Variants in B4GALT5 observed in about 807,000 individuals in gnomAD.
B4GALT5 encodes the protein beta-1,4-galactosyltransferase 5, also known as UDP-Gal:beta-GlcNAc beta-1,4-galactosyltransferase 5.
Under a neutral mutation model 45.0 loss-of-function variants are expected in B4GALT5, and 11 were observed. That is an observed-to-expected ratio of 0.24 (90% CI 0.15 to 0.40). The LOEUF (loss-of-function observed/expected upper bound fraction) is 0.40. B4GALT5 is among the 10% of genes least tolerant of loss of function. The pLI is 1.00. For missense variants in B4GALT5, 337 were observed against 500.2 expected (o/e 0.67, Z 3.11); for synonymous variants, 185 against 182.9 (o/e 1.01, Z -0.09).
chr20:49,711,182 A>G (rs918039497), intron 1 of B4GALT5, among the ~76,000 whole-genome samples: 1 of 152,154 alleles, frequency 6.6e-6, no homozygotes, highest in African/African-American at 2.4e-5. Context: ...TTCCATCCTA[A>G]GTAGAATTCC....
At chr20:49,673,379 C>CA (rs11482342) in intron 1 of B4GALT5, among the ~76,000 whole-genome samples, 69,296 of 147,404 alleles carry the variant, frequency 0.47, 16,894 homozygotes, top group South Asian at 0.65. Context: ...GACTCCAACT[C>CA]AAAAAAAAAA....
At chr20:49,711,670 A>G (rs570575702) in intron 1 of B4GALT5, among the ~76,000 whole-genome samples, 2 of 152,342 alleles carry the variant, frequency 1.3e-5, no homozygotes, top group East Asian at 1.9e-4. Flanking sequence ...CAACCCTTTT[A>G]CAATCTACTC....
intron 5 of B4GALT5, 62 bp from the exon 6 acceptor site, chr20:49,640,727 T>C: frequency 6.7e-7 from 1 of 1,486,276 alleles, no homozygotes; most frequent in Non-Finnish European, 9.0e-7. Flanking sequence ...CTGTCTTTCC[T>C]GTGCCTAAAG....
intron 4 of B4GALT5, among the ~76,000 whole-genome samples, 191 bp from the exon 5 acceptor site, chr20:49,642,775 A>G (rs913365518): frequency 6.6e-6 from 1 of 152,244 alleles, no homozygotes. Context: ...TGATTCTTAC[A>G]TATACCATAT....
chr20:49,710,801 T>C (rs1227349930), intron 1 of B4GALT5, among the ~76,000 whole-genome samples: 1 of 152,114 alleles, frequency 6.6e-6, no homozygotes, highest in Non-Finnish European at 1.5e-5. Flanking sequence ...CAACCTTCTA[T>C]TTCTCCAGAT....
intron 1 of B4GALT5, among the ~76,000 whole-genome samples, chr20:49,672,046 T>G (rs1346288841): frequency 6.6e-6 from 1 of 152,184 alleles, no homozygotes; most frequent in Non-Finnish European, 1.5e-5. Context: ...AAGCTCTTGG[T>G]GCTTCTAGCT....
At position 49,640,523 on chromosome 20, in the gene B4GALT5, T is replaced by G; in HGVS notation, c.749A>C (p.Gln250Pro). The change falls in exon 6 of 9, where the codon CAG (glutamine) becomes CCG (proline). Residue 250 changes from glutamine to proline, a missense_variant. Physicochemically the swap from Gln to Pro is moderately conservative, Grantham distance 76. Around this residue, in one of 2 missense-constraint regions of B4GALT5, gnomAD observed 163 missense variants for 292.8 expected, o/e 0.56. Transcript: ENST00000371711. ...ESDRNYYGCG[Q>P]MPRHFATKLD... ...TTTGGTTGCAAAATGCCTCGGCATC[T>G]GTCCACATCCATAATAGTTGCGATC... The G allele has an allele frequency of 6.2e-7, 1 of 1,611,956 alleles. No individual in the cohort carries two copies. The highest frequency in any genetic ancestry group is 8.5e-7 in the Non-Finnish European group (1 of 1,179,460).
chr20:49,674,452 G>C (rs551883787), intron 1 of B4GALT5, among the ~76,000 whole-genome samples: 2 of 152,038 alleles, frequency 1.3e-5, no homozygotes, highest in Admixed American at 6.6e-5. Context: ...ATCAAGAACT[G>C]CATTTAGGGT....
intron 2 of B4GALT5, among the ~76,000 whole-genome samples, chr20:49,650,471 A>C (rs1010289635): frequency 6.6e-6 from 1 of 151,370 alleles, no homozygotes; most frequent in Non-Finnish European, 1.5e-5. Flanking sequence ...AAAAAAAAAA[A>C]AAAAAAAACA....
At chr20:49,692,185 C>T (rs1311175504) in intron 1 of B4GALT5, among the ~76,000 whole-genome samples, 4 of 151,872 alleles carry the variant, frequency 2.6e-5, no homozygotes, top group South Asian at 2.1e-4. Flanking sequence ...CTGTAGTGTG[C>T]CTTATAAAAA....
At chr20:49,712,291 G>C (rs1009673749) in intron 1 of B4GALT5, among the ~76,000 whole-genome samples, 4 of 152,188 alleles carry the variant, frequency 2.6e-5, no homozygotes, top group Admixed American at 2.0e-4. Context: ...CCATTTTACA[G>C]AGGAGAAATG....
chr20:49,687,114 G>A (rs761226091), intron 1 of B4GALT5, among the ~76,000 whole-genome samples: 11 of 152,096 alleles, frequency 7.2e-5, no homozygotes, highest in Non-Finnish European at 1.0e-4. Context: ...TCACCACTGC[G>A]GGAGAAAGGT....
At chr20:49,669,302 T>C (rs1601259525) in intron 1 of B4GALT5, among the ~76,000 whole-genome samples, 1 of 152,150 alleles carries the variant, frequency 6.6e-6, no homozygotes, top group African/African-American at 2.4e-5. Context: ...TTTGAGCATG[T>C]CTCTCTCTTC....
At chr20:49,686,871 C>A (rs771229145) in intron 1 of B4GALT5, among the ~76,000 whole-genome samples, 1 of 151,778 alleles carries the variant, frequency 6.6e-6, no homozygotes, top group South Asian at 2.1e-4. Context: ...TATACTCCAG[C>A]CTGGGTGACA....
At chr20:49,642,951 C>T (rs2085583034) in intron 4 of B4GALT5, among the ~76,000 whole-genome samples, 2 of 151,818 alleles carry the variant, frequency 1.3e-5, no homozygotes, top group African/African-American at 4.9e-5. Flanking sequence ...GGTTATTCAA[C>T]TGTTTTTATT....
At chr20:49,648,942 C>T (rs1190811792) in intron 2 of B4GALT5, among the ~76,000 whole-genome samples, 1 of 152,174 alleles carries the variant, frequency 6.6e-6, no homozygotes, top group East Asian at 1.9e-4. Context: ...CTTTTGGATC[C>T]ATGCTGATTC....
chr20:49,653,889 ACT>A (rs1491392217), intron 2 of B4GALT5, among the ~76,000 whole-genome samples: 1 of 152,140 alleles, frequency 6.6e-6, no homozygotes, highest in Non-Finnish European at 1.5e-5. Context: ...CAAGGGTGAA[ACT>A]CACCTCTGTA....
At chr20:49,637,121 T>C (rs2085557382) in intron 8 of B4GALT5, among the ~76,000 whole-genome samples, 1 of 152,190 alleles carries the variant, frequency 6.6e-6, no homozygotes, top group Admixed American at 6.5e-5. Context: ...ATAGGACAAG[T>C]GATTTCCTTC....
intron 1 of B4GALT5, among the ~76,000 whole-genome samples, chr20:49,699,516 C>T (rs568750832): frequency 6.6e-4 from 100 of 152,176 alleles, no homozygotes; most frequent in South Asian, 2.1e-4. Context: ...TCAAGGGATA[C>T]GTTCTGAAAT....
Sources: gnomAD v4.1 joint callset for allele counts (sites outside exome capture counted in the v4.1 genomes callset) on GRCh38, gnomAD v4.1.1 for gene constraint, gnomAD v4.1.1 regional missense constraint, MANE v1.5 for transcripts, NCBI Gene and HGNC (gene_info 2026-07-23, HGNC 2026-07-21) for gene names.